KNTC1: variants seen among roughly 807,000 people sequenced by gnomAD.
KNTC1 encodes kinetochore associated 1.
In KNTC1, 253 loss-of-function variants were observed where a neutral mutation model predicts 314.4. The ratio of observed to expected loss-of-function variants is 0.80; its 90% CI spans 0.73 to 0.89. KNTC1 has a LOEUF of 0.89. KNTC1 is among the 40% of genes least tolerant of loss of function. KNTC1 has a pLI of 0.00. For synonymous variants in KNTC1, 901 were observed against 901.4 expected, an observed-to-expected ratio of 1.00 and a Z score of 0.01; for missense variants, 2,475 against 2,572.9, an observed-to-expected ratio of 0.96 and a Z score of 0.82.
At chr12:122,553,942 GAAGT>G (rs1963371874) in intron 16 of KNTC1, among the ~76,000 whole-genome samples, 1 of 151,752 alleles carries the variant, frequency 6.6e-6, no homozygotes, top group Admixed American at 6.6e-5. Flanking sequence ...AGTTTTTGGG[GAAGT>G]AATAAGAGAG....
In KNTC1 at chr12:122,534,703, G is replaced by A. The variant is rs184547596; in HGVS notation, c.169G>A (p.Asp57Asn). The A allele has an allele frequency of 1.9e-5, 30 of 1,611,022 alleles. No individual in the cohort carries two copies. The East Asian group carries it at 6.5e-4, about 35-fold the overall frequency. ...NPKIQACSLS[D>N]GFIIVADQSV... ...AAAGATACAGGCATGCAGCTTAAGT[G>A]ATGGGTTTATTATTGTAGCCGACCA... The change falls in exon 3 of 64, where the codon GAT becomes AAT. Residue 57 changes from aspartate (D) to asparagine (N), a missense_variant. By Grantham distance (23) the Asp-to-Asn change is conservative. Transcript: ENST00000333479.
At chr12:122,620,336 C>A in intron 59 of KNTC1, 143 bp from the exon 60 acceptor site, 1 of 643,186 alleles carries the variant, frequency 1.6e-6, no homozygotes, top group Non-Finnish European at 2.6e-6. Context: ...GTTACTCATT[C>A]CTAAGCATAT....
At chr12:122,619,030 T>G (rs1039569130) in intron 59 of KNTC1, among the ~76,000 whole-genome samples, 1 of 125,576 alleles carries the variant, frequency 8.0e-6, no homozygotes, top group Admixed American at 7.4e-5. Context: ...ACACTTGTTT[T>G]GTTTTTTGTT....
At chr12:122,555,972 C>T (rs1156352341) in intron 16 of KNTC1, among the ~76,000 whole-genome samples, 1 of 152,064 alleles carries the variant, frequency 6.6e-6, no homozygotes, top group Non-Finnish European at 1.5e-5. Flanking sequence ...TATCACCTCA[C>T]TTATCTTTTT....
intron 48 of KNTC1, among the ~76,000 whole-genome samples, chr12:122,603,770 C>T (rs1486802564): frequency 3.3e-5 from 5 of 152,042 alleles, no homozygotes; most frequent in Non-Finnish European, 2.9e-5. Context: ...GGATTACAGG[C>T]GTGAGCCACT....
rs1404477077 is a variant in KNTC1, at chr12:122,570,938, A to G, written c.1917+6A>G. 1 of 1,580,092 alleles carries G rather than the reference A, an allele frequency of 6.3e-7. No homozygotes were observed. The highest frequency in any genetic ancestry group is 8.6e-7 in the Non-Finnish European group (1 of 1,158,300). ...ACCTTGAATTAACTGATAAGGTAATACTGATTTAATTAACAGTAAAAAGAC... is the reference window on the plus strand; with the variant it reads ...ACCTTGAATTAACTGATAAGGTAATGCTGATTTAATTAACAGTAAAAAGAC... On this transcript the variant is annotated splice_donor_region_variant and intron_variant, in intron 23 of 63. Coordinates refer to ENST00000333479, the MANE Select transcript of KNTC1 (RefSeq NM_014708.6).
At chr12:122,545,352 G>A (rs1017239904) in intron 8 of KNTC1, among the ~76,000 whole-genome samples, 1 of 151,872 alleles carries the variant, frequency 6.6e-6, no homozygotes, top group Admixed American at 6.6e-5. Flanking sequence ...CAGTAGCTCT[G>A]ATCACACCTG....
At chr12:122,572,391 TC>T (rs1413612370) in intron 24 of KNTC1, among the ~76,000 whole-genome samples, 1 of 149,344 alleles carries the variant, frequency 6.7e-6, no homozygotes, top group Non-Finnish European at 1.5e-5. Flanking sequence ...CATGACTCTG[TC>T]CCCCCCAAAA....
chr12:122,604,772 A>G (rs189264223), intron 49 of KNTC1, 105 bp from the exon 50 acceptor site: 23 of 1,278,746 alleles, frequency 1.8e-5, no homozygotes, highest in Non-Finnish European at 2.2e-5. Flanking sequence ...GCTTAGGAAC[A>G]TAACTGAGGA....
At chr12:122,567,542 C>G (rs1040604489) in intron 20 of KNTC1, among the ~76,000 whole-genome samples, 1 of 151,970 alleles carries the variant, frequency 6.6e-6, no homozygotes, top group Non-Finnish European at 1.5e-5. Context: ...AGAACACTTA[C>G]TTATTTAAAA....
intron 26 of KNTC1, among the ~76,000 whole-genome samples, chr12:122,573,994 G>T (rs1040349432): frequency 2.0e-5 from 3 of 152,068 alleles, no homozygotes; most frequent in Non-Finnish European, 4.4e-5. Context: ...AATATTAGCA[G>T]TTATTTCTTG....
At chr12:122,531,071 A>T (rs1391860049) in intron 2 of KNTC1, among the ~76,000 whole-genome samples, 3 of 151,024 alleles carry the variant, frequency 2.0e-5, no homozygotes, top group Non-Finnish European at 2.9e-5. Flanking sequence ...AATAAAAGAA[A>T]TTTTTTTTCA....
At chr12:122,609,634 ACTC>A (rs905235724) in intron 52 of KNTC1, among the ~76,000 whole-genome samples, 3 of 151,808 alleles carry the variant, frequency 2.0e-5, no homozygotes, top group African/African-American at 7.3e-5. Context: ...GAATTTCTGA[ACTC>A]CTGCGAGGGC....
At chr12:122,588,682 C>G in intron 39 of KNTC1, 30 bp from the exon 40 acceptor site, 1 of 1,441,700 alleles carries the variant, frequency 6.9e-7, no homozygotes, top group African/African-American at 1.4e-5. Context: ...TAGAACTAGA[C>G]CTAAATATTT....
chr12:122,534,930 G>A (rs913322741), intron 3 of KNTC1, 146 bp downstream of exon 3: 3 of 768,342 alleles, frequency 3.9e-6, no homozygotes, highest in Non-Finnish European at 6.3e-6. Flanking sequence ...TGAGTGCTTA[G>A]TGCCTTATTT....
rs1593681749 is a variant in KNTC1, at chr12:122,612,953, A to G, written c.5623-159A>G. The stretch of plus-strand genomic sequence containing the variant: ...GCCCCTTCAGGGGTCCATGGACCAC[A>G]TGTTAAGAACCACTGTTACACACAG... On this transcript the variant is annotated intron_variant, in intron 53 of 63. Coordinates refer to ENST00000333479, the MANE Select transcript of KNTC1 (RefSeq NM_014708.6). The G allele has an allele frequency of 5.6e-5, 33 of 593,918 alleles. No homozygotes were observed. The East Asian group carries it at 9.2e-4, about 17-fold the overall frequency. 36.8% of individuals were successfully genotyped at this position (593,918 alleles called of 1,614,324 possible). A position where few individuals can be genotyped will look rare whatever the true frequency, so the allele number is the denominator to read the frequency against.
intron 12 of KNTC1, among the ~76,000 whole-genome samples, chr12:122,548,607 G>T (rs1962962971): frequency 6.6e-6 from 1 of 152,290 alleles, no homozygotes; most frequent in African/African-American, 2.4e-5. Flanking sequence ...TCAGGTATAT[G>T]TATGGATTTT....
intron 2 of KNTC1, among the ~76,000 whole-genome samples, chr12:122,530,442 C>T (rs1040709478): frequency 3.3e-5 from 5 of 151,126 alleles, no homozygotes; most frequent in African/African-American, 9.7e-5. Flanking sequence ...TAAGTTGATA[C>T]AAAGGATATC....
intron 20 of KNTC1, among the ~76,000 whole-genome samples, chr12:122,566,449 G>C (rs1003908277): frequency 6.7e-6 from 1 of 148,686 alleles, no homozygotes; most frequent in Non-Finnish European, 1.5e-5. Context: ...TCACTTTGTT[G>C]CCCAGGCTGG....
Sources: allele counts gnomAD v4.1 joint callset (sites outside exome capture counted in the v4.1 genomes callset), GRCh38; gene constraint gnomAD v4.1.1; transcripts MANE v1.5; gene names NCBI Gene and HGNC (gene_info 2026-07-23, HGNC 2026-07-21).